CCBE1: variants seen among roughly 807,000 people sequenced by gnomAD.
CCBE1 encodes the protein collagen and calcium-binding EGF domain-containing protein 1.
CCBE1 carries 37 observed loss-of-function variants against 50.0 expected under a neutral mutation model. That is an observed-to-expected ratio of 0.74 (90% CI 0.57 to 0.97). The LOEUF (loss-of-function observed/expected upper bound fraction) is 0.97. Ranked by LOEUF, CCBE1 falls within the 50% of genes least tolerant of loss-of-function variation. The probability of loss-of-function intolerance (pLI) is 0.00; values close to 1 mark genes in which losing one functional copy is unlikely to be tolerated. For missense variants in CCBE1, 538 were observed against 523.8 expected, an observed-to-expected ratio of 1.03 and a Z score of -0.26; for synonymous variants, 234 against 203.7, an observed-to-expected ratio of 1.15 and a Z score of -1.27.
At chr18:59,596,013 AC>A (rs1198028907) in intron 2 of CCBE1, among the ~76,000 whole-genome samples, 1 of 152,288 alleles carries the variant, frequency 6.6e-6, no homozygotes, top group African/African-American at 2.4e-5. Context: ...AAGGTGCTCC[AC>A]ATGGTAGTGC....
At chr18:59,447,636 G>C (rs1598907834) in intron 7 of CCBE1, among the ~76,000 whole-genome samples, 2 of 152,070 alleles carry the variant, frequency 1.3e-5, no homozygotes, top group South Asian at 4.2e-4. Flanking sequence ...AAGCAGGGGG[G>C]GTTCATAATA....
chr18:59,646,243 G>A (rs751919133), intron 2 of CCBE1, among the ~76,000 whole-genome samples: 3 of 152,148 alleles, frequency 2.0e-5, no homozygotes, highest in Non-Finnish European at 2.9e-5. Flanking sequence ...AGGCTATCCC[G>A]ATGGACGATC....
At chr18:59,507,648 T>C (rs1469481500) in intron 2 of CCBE1, among the ~76,000 whole-genome samples, 1 of 152,214 alleles carries the variant, frequency 6.6e-6, no homozygotes, top group Admixed American at 6.5e-5. Context: ...TGCTTATGCC[T>C]GTCCCTTTGT....
intron 2 of CCBE1, among the ~76,000 whole-genome samples, chr18:59,513,775 A>G (rs1483082004): frequency 2.0e-5 from 3 of 152,204 alleles, no homozygotes; most frequent in African/African-American, 4.8e-5. Context: ...TTTGTACCTC[A>G]TATTAGAGAC....
At chr18:59,469,731 T>A in intron 3 of CCBE1, 124 bp from the exon 4 acceptor site, 3 of 1,273,436 alleles carry the variant, frequency 2.4e-6, no homozygotes, top group Non-Finnish European at 3.4e-6. Flanking sequence ...TGGACAGATA[T>A]ACTTGGAGGG....
At chr18:59,536,338 TG>T (rs1000898612) in intron 2 of CCBE1, among the ~76,000 whole-genome samples, 1 of 152,206 alleles carries the variant, frequency 6.6e-6, no homozygotes, top group African/African-American at 2.4e-5. Context: ...ATCATTTCCC[TG>T]GGCTCTCTCT....
rs1282769423 is a variant in CCBE1, at chr18:59,433,197, A to G, written c.*2711T>C. On this transcript the variant is annotated 3_prime_UTR_variant, in exon 11 of 11. Coordinates refer to ENST00000439986, the MANE Select transcript of CCBE1 (RefSeq NM_133459.4). The stretch of plus-strand genomic sequence containing the variant: ...TTTTTCTTTTTAAAAAGTCTCCTTT[A>G]TTCGAAAAGAGGCAGACTGGTTCCT... 2 of 152,144 alleles carry G rather than the reference A, an allele frequency of 1.3e-5. No homozygotes were observed. Among genetic ancestry groups the G allele is most frequent in the African/African-American group, 4.8e-5 (2 of 41,442 alleles). 9.4% of individuals were successfully genotyped at this position (152,144 alleles called of 1,614,324 possible). A position where few individuals can be genotyped will look rare whatever the true frequency, so the allele number is the denominator to read the frequency against.
intron 2 of CCBE1, among the ~76,000 whole-genome samples, chr18:59,588,583 G>A (rs754449811): frequency 4.6e-5 from 7 of 152,130 alleles, no homozygotes; most frequent in Non-Finnish European, 1.0e-4. Context: ...ACTCTTGTAG[G>A]TAATTTTTCT....
At chr18:59,687,214 C>T (rs2054666937) in intron 2 of CCBE1, among the ~76,000 whole-genome samples, 1 of 152,172 alleles carries the variant, frequency 6.6e-6, no homozygotes, top group South Asian at 2.1e-4. Context: ...CTTACAGATG[C>T]CCTCCAATCT....
intron 5 of CCBE1, chr18:59,462,669 C>T (rs188975270): frequency 6.7e-6 from 1 of 148,528 alleles, no homozygotes; most frequent in African/African-American, 2.5e-5. Flanking sequence ...CAGGTTTGAC[C>T]CACCACACCT....
chr18:59,658,367 A>G (rs1317291610), intron 2 of CCBE1, among the ~76,000 whole-genome samples: 1 of 3,346 alleles, frequency 3.0e-4, no homozygotes, highest in Non-Finnish European at 6.5e-4. Flanking sequence ...ATATATATAT[A>G]TATATATATA....
chr18:59,501,439 G>T (rs770902872), intron 2 of CCBE1, among the ~76,000 whole-genome samples: 2 of 152,180 alleles, frequency 1.3e-5, no homozygotes, highest in Non-Finnish European at 2.9e-5. Flanking sequence ...GAGTGGCCAG[G>T]CTGGAAGTGA....
At chr18:59,473,074 G>A (rs1269396318) in intron 3 of CCBE1, among the ~76,000 whole-genome samples, 1 of 152,174 alleles carries the variant, frequency 6.6e-6, no homozygotes, top group African/African-American at 2.4e-5. Flanking sequence ...TGGGGACACA[G>A]CCAAACCATA....
chr18:59,550,865 C>T (rs1018118325), intron 2 of CCBE1, among the ~76,000 whole-genome samples: 20 of 151,104 alleles, frequency 1.3e-4, no homozygotes, highest in East Asian at 5.9e-4. Flanking sequence ...ATTAACCGGG[C>T]GTGGTGGTGG....
chr18:59,635,954 G>C (rs2053910584), intron 2 of CCBE1, among the ~76,000 whole-genome samples: 1 of 152,096 alleles, frequency 6.6e-6, no homozygotes, highest in Admixed American at 6.6e-5. Flanking sequence ...CTTGAGCCCA[G>C]GAGTTCAAGA....
At chr18:59,440,899 G>A (rs1403661187) in intron 7 of CCBE1, among the ~76,000 whole-genome samples, 5 of 152,158 alleles carry the variant, frequency 3.3e-5, no homozygotes, top group Non-Finnish European at 7.3e-5. Context: ...TGTGGCACAG[G>A]TGTGTGTGTA....
intron 2 of CCBE1, among the ~76,000 whole-genome samples, chr18:59,640,745 A>C (rs1331970292): frequency 1.3e-5 from 2 of 152,226 alleles, no homozygotes; most frequent in Non-Finnish European, 2.9e-5. Context: ...TGTATCTGAC[A>C]AAAGTCTAAT....
chr18:59,466,915 A>G (rs1457811660), intron 4 of CCBE1, 24 bp from the exon 5 acceptor site: 19 of 1,604,556 alleles, frequency 1.2e-5, no homozygotes, highest in Non-Finnish European at 1.4e-5. Flanking sequence ...AATGTAGAGA[A>G]TACTAAGTTT....
intron 2 of CCBE1, among the ~76,000 whole-genome samples, chr18:59,595,374 ACCTTTCTTACTTTGCCTCAGTTT>A (rs1297850284): frequency 6.6e-6 from 1 of 152,108 alleles, no homozygotes; most frequent in African/African-American, 2.4e-5. Context: ...CAAGTTACTA[ACCTTTCTTACTTTGCCTCAGTTT>A]CCTCATCTGA....
Sources: allele counts gnomAD v4.1 joint callset (sites outside exome capture counted in the v4.1 genomes callset), GRCh38; gene constraint gnomAD v4.1.1; transcripts MANE v1.5; gene names NCBI Gene and HGNC (gene_info 2026-07-23, HGNC 2026-07-21).